The following RDH12 variants were observed in gnomAD, a reference collection of about 807,000 sequenced individuals.
RDH12 encodes retinol dehydrogenase 12.
In RDH12, 21 loss-of-function variants were observed where a neutral mutation model predicts 34.0. The observed-to-expected ratio is 0.62, with a 90% confidence interval of 0.44 to 0.89. The LOEUF (loss-of-function observed/expected upper bound fraction) is 0.89. RDH12 is among the 40% of genes least tolerant of loss of function. The probability of loss-of-function intolerance (pLI) is 0.00; values close to 1 mark genes in which losing one functional copy is unlikely to be tolerated. For synonymous variants in RDH12, 198 were observed against 169.9 expected (o/e 1.17, Z -1.29); for missense variants, 394 against 398.6 (o/e 0.99, Z 0.10).
intron 7 of RDH12, chr14:67,727,850 T>A (rs1205353780): frequency 6.5e-6 from 1 of 154,370 alleles, no homozygotes; most frequent in Non-Finnish European, 1.4e-5. Context: ...ATGTGGGTGC[T>A]CAGCTTTAAA....
chr14:67,727,674 C>A lies in RDH12; in HGVS notation c.658+484C>A, dbSNP rs189713128. 45 of 208,152 alleles carry A rather than the reference C, an allele frequency of 2.2e-4. No homozygotes were observed. The East Asian group carries it at 6.1e-3, about 28-fold the overall frequency. 12.9% of individuals were successfully genotyped at this position (208,152 alleles called of 1,614,324 possible). A position where few individuals can be genotyped will look rare whatever the true frequency, so the allele number is the denominator to read the frequency against. ...ATTTTGTATTTTTAGAAGAGACGAG[C>A]TTTCACCATGTTGTCCAGGTTGGTC... is the stretch of plus-strand genomic sequence containing the variant. On this transcript the variant is annotated intron_variant, in intron 7 of 8. Transcript: ENST00000551171.
At chr14:67,719,326 G>T (rs967628761) in intron 1 of RDH12, among the ~76,000 whole-genome samples, 5 of 152,202 alleles carry the variant, frequency 3.3e-5, no homozygotes, top group African/African-American at 4.8e-5. Context: ...ACTCGCAATA[G>T]AATTTGAGTG....
At chr14:67,712,718 G>A (rs760930999) in intron 1 of RDH12, among the ~76,000 whole-genome samples, 3 of 151,904 alleles carry the variant, frequency 2.0e-5, no homozygotes, top group African/African-American at 7.3e-5. Flanking sequence ...AACCAGAAAG[G>A]GTTTGATTTA....
intron 3 of RDH12, among the ~76,000 whole-genome samples, chr14:67,723,275 C>T (rs964189293): frequency 2.0e-5 from 3 of 152,112 alleles, no homozygotes; most frequent in Non-Finnish European, 4.4e-5. Context: ...CTCTGTCACC[C>T]CAGGGTGGAG....
At chr14:67,705,117 C>T (rs574425217) in intron 1 of RDH12, among the ~76,000 whole-genome samples, 4 of 152,282 alleles carry the variant, frequency 2.6e-5, no homozygotes, top group South Asian at 2.1e-4. Context: ...TGGGAAGACA[C>T]GCCAATAAAG....
intron 1 of RDH12, among the ~76,000 whole-genome samples, chr14:67,720,009 C>G (rs1338615175): frequency 2.0e-5 from 3 of 152,186 alleles, no homozygotes; most frequent in Admixed American, 6.5e-5. Flanking sequence ...CATTACAACA[C>G]TTCTCTCTAT....
intron 1 of RDH12, among the ~76,000 whole-genome samples, chr14:67,702,810 T>C (rs57077522): frequency 0.093 from 14,080 of 152,132 alleles, 673 homozygotes; most frequent in Middle Eastern, 0.19. Context: ...ATCTTATACC[T>C]TTATTTTTTG....
At chr14:67,703,526 A>G (rs2037921846) in intron 1 of RDH12, among the ~76,000 whole-genome samples, 1 of 152,210 alleles carries the variant, frequency 6.6e-6, no homozygotes, top group Non-Finnish European at 1.5e-5. Flanking sequence ...GAAAAAATAT[A>G]TAGAGGTAGA....
At chr14:67,718,841 G>C (rs989085949) in intron 1 of RDH12, among the ~76,000 whole-genome samples, 3 of 151,512 alleles carry the variant, frequency 2.0e-5, no homozygotes, top group African/African-American at 4.9e-5. Flanking sequence ...AGAATGTCTC[G>C]ATACCAGTTT....
chr14:67,704,997 G>C lies in RDH12; in HGVS notation c.-275+3062G>C, dbSNP rs1219390956. 2.0e-5 allele frequency among the ~76,000 whole-genome samples: 3 copies of C among 152,170 alleles called. No individual in the cohort carries two copies. The East Asian group carries it at 5.8e-4, about 29-fold the overall frequency. ...GAAGCAGGTCTAGGTAGTCCAGGGA[G>C]GTCACTCTGAAATCCTGTCAGCTAT... is the stretch of plus-strand genomic sequence containing the variant. On this transcript the variant is annotated intron_variant, in intron 1 of 8. Coordinates refer to ENST00000551171, the MANE Select transcript of RDH12 (RefSeq NM_152443.3).
intron 1 of RDH12, among the ~76,000 whole-genome samples, chr14:67,710,165 C>T (rs781432872): frequency 3.1e-4 from 47 of 152,138 alleles, no homozygotes; most frequent in Non-Finnish European, 5.6e-4. Flanking sequence ...TAAAACCAAG[C>T]TGTTCCCTGA....
Position 67,729,257 on chromosome 14 carries a change from C to G in RDH12, c.725C>G (p.Ser242Cys), listed in dbSNP as rs1312984046. ...VVRSELVRHS[S>C]LLCLLWRLFS... ...CGCTCTGAGCTGGTCCGGCACTCCT[C>G]CCTGCTCTGCCTGCTCTGGCGGCTC... is the stretch of plus-strand genomic sequence containing the variant. Residue 242 changes from serine (S) to cysteine (C), a missense_variant, in exon 8 of 9, where the codon TCC becomes TGC. Transcript: ENST00000551171. 5.6e-6 allele frequency: 9 copies of G among 1,608,970 alleles called. No individual in the cohort carries two copies. Among genetic ancestry groups the G allele is most frequent in the Non-Finnish European group, 6.8e-6 (8 of 1,179,984 alleles).
At chr14:67,727,503 C>T (rs2038204634) in intron 7 of RDH12, 1 of 331,604 alleles carries the variant, frequency 3.0e-6, no homozygotes, top group Non-Finnish European at 5.6e-6. Context: ...TTTTTTGAGA[C>T]TTGAGTTTCG....
rs573854674 is a variant in RDH12 at position 67,707,356 on chromosome 14, C to G, written c.-275+5421C>G. Among the ~76,000 whole-genome samples the G allele has an allele frequency of 6.6e-5, 10 of 152,268 alleles. No homozygotes were observed. The South Asian group carries it at 1.2e-3, about 19-fold the overall frequency. ...TTCTCTCTCCAGTTTCCCATTTTTACTAAAGACAAATTATGGTAGGACTTG... is the reference window on the plus strand; with the variant it reads ...TTCTCTCTCCAGTTTCCCATTTTTAGTAAAGACAAATTATGGTAGGACTTG... On this transcript the variant is annotated intron_variant, in intron 1 of 8. Transcript: ENST00000551171.
chr14:67,713,792 A>C (rs1367254514), intron 1 of RDH12, among the ~76,000 whole-genome samples: 1 of 152,210 alleles, frequency 6.6e-6, no homozygotes, highest in Non-Finnish European at 1.5e-5. Flanking sequence ...GATACGTGAG[A>C]CATCAATCAA....
chr14:67,732,978 G>T (rs118036936), intron 8 of RDH12, among the ~76,000 whole-genome samples: 1 of 152,056 alleles, frequency 6.6e-6, no homozygotes, highest in Non-Finnish European at 1.5e-5. Context: ...AAAAAACATG[G>T]GGGGAGCGGG....
Position 67,725,119 on chromosome 14 carries a change from T to C in RDH12, c.208T>C (p.Cys70Arg). The C allele has an allele frequency of 6.2e-7, 1 of 1,614,190 alleles. No homozygotes were observed. Among genetic ancestry groups the C allele is most frequent in the Non-Finnish European group, 8.5e-7 (1 of 1,180,032 alleles). The part of the protein sequence containing the change: ...ASRGARVYIA[C>R]RDVLKGESAA... ...CCCAGGAGCCCGAGTCTATATTGCC[T>C]GCAGAGATGTACTGAAGGGGGAGTC... Residue 70 changes from cysteine (C) to arginine (R), a missense_variant, in exon 5 of 9, where the codon TGC becomes CGC. Cys to Arg is a radical substitution (Grantham distance 180). Coordinates refer to ENST00000551171, the MANE Select transcript of RDH12 (RefSeq NM_152443.3).
chr14:67,725,355 C>G, intron 5 of RDH12, 101 bp downstream of exon 5: 2 of 1,218,302 alleles, frequency 1.6e-6, no homozygotes, highest in Non-Finnish European at 2.4e-6. Flanking sequence ...CCATCATCCA[C>G]CCCACTAGAC....
intron 1 of RDH12, among the ~76,000 whole-genome samples, chr14:67,706,503 G>A (rs1174012431): frequency 1.3e-5 from 2 of 152,206 alleles, no homozygotes. Context: ...ATGAACATCG[G>A]TTTGGTCTGG....
Sources: gnomAD v4.1 joint callset for allele counts (sites outside exome capture counted in the v4.1 genomes callset) on GRCh38, gnomAD v4.1.1 for gene constraint, MANE v1.5 for transcripts, NCBI Gene and HGNC (gene_info 2026-07-23, HGNC 2026-07-21) for gene names.